Variants in RMDN2 observed in about 807,000 individuals in gnomAD.
RMDN2 encodes the protein regulator of microtubule dynamics protein 2.
In RMDN2, 61 loss-of-function variants were observed where a neutral mutation model predicts 52.8. The ratio of observed to expected loss-of-function variants is 1.16; its 90% CI spans 0.94 to 1.43. The LOEUF is 1.43. RMDN2 is among the 40% of genes most tolerant of loss of function. The pLI is 0.00. For synonymous variants in RMDN2, 180 were observed against 153.1 expected, an observed-to-expected ratio of 1.18 and a Z score of -1.30; for missense variants, 592 against 475.3, an observed-to-expected ratio of 1.25 and a Z score of -2.28.
intron 5 of RMDN2, among the ~76,000 whole-genome samples, chr2:37,985,783 G>A (rs6727874): frequency 0.42 from 63,221 of 151,854 alleles, 13,639 homozygotes; most frequent in South Asian, 0.54. Context: ...ATTAATAGAA[G>A]TAAATATGAA....
At chr2:37,923,456 G>C (rs1047300381), upstream of RMDN2, 5 of 152,176 alleles carry the variant, frequency 3.3e-5, no homozygotes, top group Non-Finnish European at 5.9e-5. Context: ...GAACAACTCA[G>C]TGGGCTCCTG....
chr2:37,951,698 C>A (rs779097034), intron 2 of RMDN2: 12 of 1,612,490 alleles, frequency 7.4e-6, no homozygotes, highest in Admixed American at 1.7e-5. Flanking sequence ...AAATCGAAAT[C>A]TTTTCTAAAA....
chr2:37,977,615 G>A (rs555379944), intron 4 of RMDN2, among the ~76,000 whole-genome samples: 254 of 151,360 alleles, frequency 1.7e-3, no homozygotes, highest in African/African-American at 5.9e-3. Context: ...CCGGGCGGCC[G>A]CTCAGAGACC....
At chr2:37,946,036 A>T (rs1668191629) in intron 2 of RMDN2, among the ~76,000 whole-genome samples, 1 of 152,236 alleles carries the variant, frequency 6.6e-6, no homozygotes, top group South Asian at 2.1e-4. Context: ...GTAACTAAGA[A>T]GGCACAGGTG....
At chr2:37,955,188 C>T (rs1289286616) in intron 2 of RMDN2, among the ~76,000 whole-genome samples, 2 of 151,924 alleles carry the variant, frequency 1.3e-5, no homozygotes, top group Admixed American at 6.6e-5. Flanking sequence ...GCCTTTATTT[C>T]GTCATCTTGC....
chr2:37,921,244 T>A (rs146572903), upstream of RMDN2, among the ~76,000 whole-genome samples: 1,103 of 152,382 alleles, frequency 7.2e-3, 11 homozygotes, highest in Admixed American at 0.015. Context: ...AATCACTTAG[T>A]CTATGGAAAT....
intron 1 of RMDN2, among the ~76,000 whole-genome samples, chr2:37,926,929 C>CT (rs1168374440): frequency 3.7e-5 from 5 of 134,660 alleles, no homozygotes; most frequent in African/African-American, 8.3e-5. Flanking sequence ...GAGCGAGACT[C>CT]TAAAAAAAAA....
intron 1 of RMDN2, among the ~76,000 whole-genome samples, chr2:37,926,735 G>C (rs1666311059): frequency 6.6e-6 from 1 of 152,170 alleles, no homozygotes; most frequent in African/African-American, 2.4e-5. Flanking sequence ...CCAGGAGTTC[G>C]GGACCAGCCT....
In RMDN2 at chr2:38,058,995, T is replaced by A. The variant is rs570366233; in HGVS notation, c.1714-7987T>A. On this transcript the variant is annotated intron_variant, in intron 10 of 10. Transcript: ENST00000234195. ...TTCTCATGATTCTTATCATAGTGTT[T>A]TACCCAAAGTAGTAATAAATAGTTA... 2.6e-5 allele frequency among the ~76,000 whole-genome samples: 4 copies of A among 152,324 alleles called. No individual in the cohort carries two copies. The South Asian group carries it at 8.3e-4, about 32-fold the overall frequency.
At chr2:38,066,256 A>T (rs1238770295) in intron 10 of RMDN2, among the ~76,000 whole-genome samples, 1 of 152,162 alleles carries the variant, frequency 6.6e-6, no homozygotes, top group African/African-American at 2.4e-5. Context: ...CATATCTGAC[A>T]CATGTTGAAA....
chr2:37,937,495 C>T (rs1432886618), intron 2 of RMDN2, among the ~76,000 whole-genome samples: 1 of 152,146 alleles, frequency 6.6e-6, no homozygotes, highest in African/African-American at 2.4e-5. Context: ...AGGAGTGTGG[C>T]CATTTTCACA....
chr2:37,941,075 T>C (rs1390718513), intron 2 of RMDN2, among the ~76,000 whole-genome samples: 3 of 152,216 alleles, frequency 2.0e-5, no homozygotes, highest in Non-Finnish European at 4.4e-5. Context: ...GATGGAGTTT[T>C]TGCGTGGTCT....
rs1572962782 is a variant in RMDN2, at chr2:37,989,562, T to C, written c.813T>C (p.Tyr271=). 1.2e-6 allele frequency: 2 copies of C among 1,612,816 alleles called. No homozygotes were observed. The highest frequency in any genetic ancestry group is 1.7e-5 in the Admixed American group (1 of 59,970). Residue 271 remains tyrosine, a synonymous_variant, in exon 6 of 11, where the codon TAT becomes TAC. Transcript: ENST00000354545. ...CHLWYAVLCG[Y]VSEFEGLQNK... Reference sequence around the variant, plus strand: ...TCAGGTATGCAGTTTTGTGTGGCTATGTATCTGAGTTTGAGGGTTTACAAA... The same window carrying C: ...TCAGGTATGCAGTTTTGTGTGGCTACGTATCTGAGTTTGAGGGTTTACAAA...
chr2:37,978,260 G>C (rs1007269154), intron 4 of RMDN2, among the ~76,000 whole-genome samples: 1 of 148,526 alleles, frequency 6.7e-6, no homozygotes, highest in African/African-American at 2.5e-5. Context: ...AGTGAGTCGA[G>C]ATGGCGGCAG....
rs566427903 is a variant in RMDN2, at chr2:37,932,184, G to T, written c.452+2455G>T. ...ATAAACAAGTGAACAAAGGTCTCTG[G>T]TTTTCCTAGGCAGAGGACCCTGCGG... On this transcript the variant is annotated intron_variant, in intron 2 of 10. Coordinates refer to ENST00000354545, the MANE Select transcript of RMDN2 (RefSeq NM_001170791.3). Among the ~76,000 whole-genome samples, 280 of 150,260 alleles carry T rather than the reference G, an allele frequency of 1.9e-3. 3 individuals are homozygous for T. The highest frequency in any genetic ancestry group is 6.5e-3 in the African/African-American group (269 of 41,170).
intron 1 of RMDN2, among the ~76,000 whole-genome samples, chr2:37,926,724 C>T (rs1043747232): frequency 6.6e-6 from 1 of 152,176 alleles, no homozygotes; most frequent in Admixed American, 6.5e-5. Context: ...ATTGCTTGGG[C>T]CCAGGAGTTC....
intron 2 of RMDN2, among the ~76,000 whole-genome samples, chr2:37,953,630 T>G (rs547077401): frequency 6.6e-6 from 1 of 152,236 alleles, no homozygotes; most frequent in South Asian, 2.1e-4. Flanking sequence ...TTAACTATTG[T>G]GAATAATGCA....
In RMDN2 at chr2:38,008,297, A is replaced by G. The variant is rs569287309; in HGVS notation, c.1179+4081A>G. On this transcript the variant is annotated intron_variant, in intron 10 of 10. Transcript: ENST00000354545. The stretch of plus-strand genomic sequence containing the variant: ...TGTCTCGTTGATCTGTCTAATGTTG[A>G]CAGTGGGGTGTTAAAGTCTCCCATT... 1.2e-3 allele frequency among the ~76,000 whole-genome samples: 182 copies of G among 152,184 alleles called. 1 individual carries two copies. The highest frequency in any genetic ancestry group is 2.1e-3 in the Non-Finnish European group (144 of 68,004).
At position 37,929,694 on chromosome 2, in the gene RMDN2, A is replaced by G. The variant is rs1666563214; in HGVS notation, c.417A>G (p.Thr139=). ...RRLPTIQSSA[T]SNSSEEAESE... is the part of the protein sequence containing the mutation. ...TCCCCACAATTCAAAGTTCAGCAAC[A>G]AGTAATAGTTCAGAGGAAGCAGAAA... is the stretch of plus-strand genomic sequence containing the variant. The change falls in exon 2 of 11, where the codon ACA becomes ACG. Residue 139 remains threonine (T), a synonymous_variant. Transcript: ENST00000354545. The G allele has an allele frequency of 6.5e-7, 1 of 1,527,702 alleles. No homozygotes were observed. Among genetic ancestry groups the G allele is most frequent in the African/African-American group, 1.4e-5 (1 of 71,256 alleles). The allele number at this position is 1,527,702 out of a possible 1,614,324, so 94.6% of individuals were successfully genotyped here. A position where few individuals can be genotyped will look rare whatever the true frequency, so the allele number is the denominator to read the frequency against.
Sources: allele counts gnomAD v4.1 joint callset (sites outside exome capture counted in the v4.1 genomes callset), GRCh38; gene constraint gnomAD v4.1.1; transcripts MANE v1.5; gene names NCBI Gene and HGNC (gene_info 2026-07-23, HGNC 2026-07-21).